The following ARMC2 variants were observed in gnomAD, a reference collection of about 807,000 sequenced individuals.
ARMC2 encodes the protein armadillo repeat containing 2.
In ARMC2, 67 loss-of-function variants were observed where a neutral mutation model predicts 90.3. The observed-to-expected ratio is 0.74, with a 90% CI of 0.61 to 0.91. The LOEUF (loss-of-function observed/expected upper bound fraction) is 0.91. Among genes scored for constraint, ARMC2 ranks in the 40% least tolerant of loss-of-function variants. ARMC2 has a pLI of 0.00. For missense variants in ARMC2, 920 were observed against 1,030.9 expected, an observed-to-expected ratio of 0.89 and a Z score of 1.47; for synonymous variants, 393 against 393.0, an observed-to-expected ratio of 1.00 and a Z score of 0.00.
chr6:108,886,036 C>A (rs1425524047), intron 5 of ARMC2, among the ~76,000 whole-genome samples: 1 of 152,242 alleles, frequency 6.6e-6, no homozygotes, highest in South Asian at 2.1e-4. Context: ...CTTGATCCTA[C>A]ACAACTTGAA....
intron 17 of ARMC2, among the ~76,000 whole-genome samples, chr6:108,969,274 T>G (rs1006395135): frequency 1.3e-5 from 2 of 152,228 alleles, no homozygotes; most frequent in African/African-American, 2.4e-5. Flanking sequence ...AGGGCGATGA[T>G]AAATCCCTTA....
At chr6:108,871,971 T>C (rs1159861928) in intron 4 of ARMC2, among the ~76,000 whole-genome samples, 1 of 152,230 alleles carries the variant, frequency 6.6e-6, no homozygotes, top group Non-Finnish European at 1.5e-5. Context: ...AAAGCACATG[T>C]CATCCAATTA....
the ARMC2 span, among the ~76,000 whole-genome samples, chr6:109,048,651 T>C: frequency 6.6e-6 from 1 of 152,178 alleles, no homozygotes; most frequent in Non-Finnish European, 1.5e-5. Context: ...TAGGAGAATT[T>C]TTTTTATGTC....
At chr6:108,994,553 C>A in the ARMC2 span, 5 of 1,613,666 alleles carry the variant, frequency 3.1e-6, no homozygotes, top group East Asian at 1.1e-4. Flanking sequence ...CTCGACATTC[C>A]TGTAACTGCC....
chr6:108,970,990 AGGTG>A (rs1402104083), intron 17 of ARMC2, among the ~76,000 whole-genome samples: 2 of 152,036 alleles, frequency 1.3e-5, no homozygotes, highest in Non-Finnish European at 1.5e-5. Flanking sequence ...TGGGAGGCCA[AGGTG>A]GGTGGATCAC....
At chr6:108,863,700 G>A (rs932387930) in intron 3 of ARMC2, among the ~76,000 whole-genome samples, 9 of 152,160 alleles carry the variant, frequency 5.9e-5, no homozygotes, top group Admixed American at 1.3e-4. Flanking sequence ...TAAACTTACC[G>A]AGTCCAGTGA....
the ARMC2 span, among the ~76,000 whole-genome samples, chr6:109,044,311 C>CAAA: frequency 9.1e-4 from 26 of 28,458 alleles, 6 homozygotes; most frequent in East Asian, 7.7e-3. Flanking sequence ...GAACTTGCCT[C>CAAA]AAAAAAAAAA....
intron 6 of ARMC2, among the ~76,000 whole-genome samples, chr6:108,894,871 A>T (rs1771445972): frequency 7.0e-6 from 1 of 142,204 alleles, no homozygotes; most frequent in African/African-American, 2.7e-5. Context: ...GGTTCATGCC[A>T]TTCTCCTGCC....
chr6:108,949,725 A>C lies in ARMC2; in HGVS notation c.1597-3308A>C, dbSNP rs1777046096. Among the ~76,000 whole-genome samples the C allele has an allele frequency of 4.6e-5, 7 of 152,226 alleles. No homozygotes were observed. The South Asian group carries it at 1.2e-3, about 27-fold the overall frequency. On this transcript the variant is annotated intron_variant, in intron 12 of 17. Transcript: ENST00000392644. ...TTTGCCACCAGGCATTACTTGAAGT[A>C]ACCCTCTGTTTTATGTGAAATGGGA...
chr6:108,929,525 A>G (rs956112312), intron 11 of ARMC2, among the ~76,000 whole-genome samples: 9 of 152,140 alleles, frequency 5.9e-5, no homozygotes, highest in Admixed American at 2.0e-4. Flanking sequence ...CCCAGGCTGG[A>G]GTGCAGTGGG....
chr6:108,893,207 TA>T (rs1771268201), intron 5 of ARMC2, among the ~76,000 whole-genome samples: 1 of 152,370 alleles, frequency 6.6e-6, no homozygotes, highest in Non-Finnish European at 1.5e-5. Context: ...ACTGCTCTTT[TA>T]TTTGGAATAC....
intron 10 of ARMC2, among the ~76,000 whole-genome samples, chr6:108,924,628 G>C (rs1272814): frequency 2.0e-5 from 3 of 152,142 alleles, no homozygotes; most frequent in Non-Finnish European, 4.4e-5. Context: ...ATGTGGTGCA[G>C]AGTCTGAAAG....
chr6:108,995,435 G>A, the ARMC2 span, among the ~76,000 whole-genome samples: 2 of 152,154 alleles, frequency 1.3e-5, no homozygotes, highest in African/African-American at 4.8e-5. Context: ...TCTGCAAATG[G>A]ATCTGGCAGC....
chr6:109,003,251 T>G, the ARMC2 span, among the ~76,000 whole-genome samples: 2 of 151,466 alleles, frequency 1.3e-5, no homozygotes, highest in Admixed American at 1.3e-4. Context: ...GATTAACCCC[T>G]TCACTCATAT....
At chr6:108,899,351 G>A in intron 6 of ARMC2, among the ~76,000 whole-genome samples, 2 of 152,138 alleles carry the variant, frequency 1.3e-5, no homozygotes, top group East Asian at 3.9e-4. Context: ...TATATCTATA[G>A]TTACCTATTC....
At chr6:109,038,964 A>T in the ARMC2 span, among the ~76,000 whole-genome samples, 1 of 149,734 alleles carries the variant, frequency 6.7e-6, no homozygotes, top group African/African-American at 2.5e-5. Context: ...GAGAAGGGAG[A>T]AGAAGGAAAA....
Position 108,919,867 on chromosome 6 carries a change from C to T in ARMC2, c.1350+7309C>T, listed in dbSNP as rs760691804. On this transcript the variant is annotated intron_variant, in intron 10 of 17. Coordinates refer to ENST00000392644, the MANE Select transcript of ARMC2 (RefSeq NM_032131.6). ...TGCCTGTTCTAAAACTTTATATAAACGGAATATACAGCATGTACCCTTTTG... is the reference window on the plus strand; with the variant it reads ...TGCCTGTTCTAAAACTTTATATAAATGGAATATACAGCATGTACCCTTTTG... 7.4e-4 allele frequency among the ~76,000 whole-genome samples: 113 copies of T among 152,220 alleles called. 1 individual carries two copies. Among genetic ancestry groups the T allele is most frequent in the Non-Finnish European group, 1.2e-3 (81 of 68,020 alleles).
chr6:108,947,994 G>T (rs748403768), intron 12 of ARMC2, among the ~76,000 whole-genome samples: 2 of 152,346 alleles, frequency 1.3e-5, no homozygotes, highest in Non-Finnish European at 1.5e-5. Context: ...ATAAAGGAGA[G>T]AATGTGTGCC....
At chr6:108,886,431 T>C (rs536996297) in intron 5 of ARMC2, among the ~76,000 whole-genome samples, 1 of 152,134 alleles carries the variant, frequency 6.6e-6, no homozygotes, top group Non-Finnish European at 1.5e-5. Flanking sequence ...GGTGGCTAAT[T>C]ACAGGCACAT....
Sources: allele counts gnomAD v4.1 joint callset (sites outside exome capture counted in the v4.1 genomes callset), GRCh38; gene constraint gnomAD v4.1.1; transcripts MANE v1.5; gene names NCBI Gene and HGNC (gene_info 2026-07-23, HGNC 2026-07-21).